Variants in SRL observed in about 807,000 individuals in gnomAD.
SRL encodes the protein sarcalumenin.
In SRL, 23 loss-of-function variants were observed where a neutral mutation model predicts 39.5. That is an observed-to-expected ratio of 0.58 (90% CI 0.42 to 0.82). SRL has a LOEUF of 0.82. Ranked by LOEUF, SRL falls within the 40% of genes least tolerant of loss-of-function variation. The probability of loss-of-function intolerance (pLI) is 0.00; values close to 1 mark genes in which losing one functional copy is unlikely to be tolerated. For missense variants in SRL, 592 were observed against 607.8 expected, an observed-to-expected ratio of 0.97 and a Z score of 0.27; for synonymous variants, 272 against 237.4, an observed-to-expected ratio of 1.15 and a Z score of -1.34.
intron 1 of SRL, among the ~76,000 whole-genome samples, chr16:4,238,121 T>C (rs926499221): frequency 6.6e-6 from 1 of 152,106 alleles, no homozygotes; most frequent in Non-Finnish European, 1.5e-5. Flanking sequence ...AATGACAGGG[T>C]TGCACATACG....
In SRL at chr16:4,218,590, G is replaced by A. The variant is rs114829423; in HGVS notation, c.62-13956C>T. Among the ~76,000 whole-genome samples the A allele has an allele frequency of 3.0e-3, 461 of 152,286 alleles. 2 individuals carry two copies. Among genetic ancestry groups the A allele is most frequent in the African/African-American group, 0.01 (433 of 41,564 alleles). ...TGAAATCACAGCTGATGTCTCCATGGCTTTGAAGAGCCTCACACACAGGCC... is the reference window on the plus strand; with the variant it reads ...TGAAATCACAGCTGATGTCTCCATGACTTTGAAGAGCCTCACACACAGGCC... On this transcript the variant is annotated intron_variant, in intron 1 of 5. Coordinates refer to ENST00000399609, the MANE Select transcript of SRL (RefSeq NM_001098814.2).
chr16:4,204,312 C>T (rs112215319), intron 2 of SRL, among the ~76,000 whole-genome samples: 3 of 134,594 alleles, frequency 2.2e-5, no homozygotes, highest in Non-Finnish European at 4.9e-5. Flanking sequence ...CACCTGGAAC[C>T]CCAAGGCTTG....
At chr16:4,240,610 C>T (rs886903369) in intron 1 of SRL, among the ~76,000 whole-genome samples, 1 of 152,116 alleles carries the variant, frequency 6.6e-6, no homozygotes, top group South Asian at 2.1e-4. Context: ...CCTTTCCCCA[C>T]GACAAGAGCC....
At chr16:4,211,954 T>G (rs1364936467) in intron 1 of SRL, among the ~76,000 whole-genome samples, 1 of 152,154 alleles carries the variant, frequency 6.6e-6, no homozygotes, top group Non-Finnish European at 1.5e-5. Flanking sequence ...CTAGGTCTGA[T>G]GTCCTATAAC....
chr16:4,194,076 C>A (rs1483732402), intron 5 of SRL, among the ~76,000 whole-genome samples: 1 of 152,174 alleles, frequency 6.6e-6, no homozygotes, highest in African/African-American at 2.4e-5. Flanking sequence ...CGTCTGCTCA[C>A]ACATTCCTGC....
chr16:4,199,843 C>T (rs535052772), intron 3 of SRL, among the ~76,000 whole-genome samples: 7 of 151,218 alleles, frequency 4.6e-5, no homozygotes, highest in Non-Finnish European at 5.9e-5. Context: ...ACTACAGGTG[C>T]GTGCCACCAC....
At chr16:4,233,475 C>A (rs371081675) in intron 1 of SRL, among the ~76,000 whole-genome samples, 1 of 152,190 alleles carries the variant, frequency 6.6e-6, no homozygotes, top group Non-Finnish European at 1.5e-5. Context: ...CCTCCCTGCA[C>A]GTTGGGCTGA....
chr16:4,200,512 G>A (rs2052213943), intron 3 of SRL, among the ~76,000 whole-genome samples: 1 of 152,230 alleles, frequency 6.6e-6, no homozygotes, highest in Non-Finnish European at 1.5e-5. Flanking sequence ...CAAAAGGTGA[G>A]TGCAGGGGCA....
intron 1 of SRL, among the ~76,000 whole-genome samples, chr16:4,226,144 G>C (rs2052585621): frequency 6.6e-6 from 1 of 152,170 alleles, no homozygotes; most frequent in Non-Finnish European, 1.5e-5. Context: ...TTGTCTCCCA[G>C]TCAGTCTTCC....
intron 4 of SRL, among the ~76,000 whole-genome samples, chr16:4,197,537 T>C (rs34943950): frequency 0.18 from 27,729 of 151,046 alleles, 2,736 homozygotes; most frequent in African/African-American, 0.23. Context: ...TTCTCATGTC[T>C]CAAGTTCCTG....
intron 1 of SRL, chr16:4,207,253 C>G (rs1481873847): frequency 4.4e-6 from 2 of 457,068 alleles, no homozygotes; most frequent in Admixed American, 2.3e-5. Flanking sequence ...GAGGCTTCAT[C>G]TGCGTCCTCC....
At chr16:4,215,856 T>C (rs1192576721) in intron 1 of SRL, among the ~76,000 whole-genome samples, 2 of 152,104 alleles carry the variant, frequency 1.3e-5, no homozygotes, top group Non-Finnish European at 2.9e-5. Context: ...TTTGTCTTAC[T>C]ACTGGCCCAT....
chr16:4,209,810 T>A (rs897321908), intron 1 of SRL, among the ~76,000 whole-genome samples: 4 of 152,168 alleles, frequency 2.6e-5, no homozygotes, highest in African/African-American at 9.7e-5. Flanking sequence ...ATTTCAGAGC[T>A]GAATAAGTGA....
intron 1 of SRL, among the ~76,000 whole-genome samples, chr16:4,208,452 T>C (rs2052353890): frequency 1.3e-5 from 2 of 152,116 alleles, no homozygotes; most frequent in Admixed American, 6.5e-5. Flanking sequence ...TGACTGTATA[T>C]GGAGGGAAAG....
intron 2 of SRL, among the ~76,000 whole-genome samples, chr16:4,204,266 G>A (rs1051840887): frequency 2.0e-5 from 3 of 152,196 alleles, no homozygotes; most frequent in Non-Finnish European, 4.4e-5. Context: ...GCCCACACCA[G>A]GCCGTCTACT....
In SRL at chr16:4,197,523, G is replaced by A. The variant is rs1184349568; in HGVS notation, c.376+276C>T. On this transcript the variant is annotated intron_variant, in intron 4 of 5. Coordinates refer to ENST00000399609, the MANE Select transcript of SRL (RefSeq NM_001098814.2). ...TACAATCTCTGCCTTCTAGGTTCAA[G>A]CAATTCTCATGTCTCAAGTTCCTGA... Among the ~76,000 whole-genome samples, 3 of 144,992 alleles carry A rather than the reference G, an allele frequency of 2.1e-5. No individual in the cohort carries two copies. In the East Asian group the frequency reaches 6.2e-4, roughly 30 times the overall value.
At chr16:4,209,138 GT>G (rs1218378028) in intron 1 of SRL, among the ~76,000 whole-genome samples, 1 of 152,066 alleles carries the variant, frequency 6.6e-6, no homozygotes, top group Non-Finnish European at 1.5e-5. Context: ...GCTGGGTGTG[GT>G]GACACACACC....
chr16:4,205,297 C>G (rs7197038), intron 1 of SRL, among the ~76,000 whole-genome samples: 34,368 of 152,078 alleles, frequency 0.23, 4,082 homozygotes, highest in African/African-American at 0.3. Flanking sequence ...CTAGGTCACA[C>G]AGCAAGACCC....
At chr16:4,220,403 A>C (rs11646960) in intron 1 of SRL, among the ~76,000 whole-genome samples, 25 of 151,292 alleles carry the variant, frequency 1.7e-4, no homozygotes, top group Non-Finnish European at 3.4e-4. Context: ...AGCCGAGATC[A>C]CGCCATTGCA....
Sources: gnomAD v4.1 joint callset for allele counts (sites outside exome capture counted in the v4.1 genomes callset) on GRCh38, gnomAD v4.1.1 for gene constraint, MANE v1.5 for transcripts, NCBI Gene and HGNC (gene_info 2026-07-23, HGNC 2026-07-21) for gene names.